Variants in RGS7 observed in about 807,000 individuals in gnomAD.
RGS7 encodes regulator of G protein signaling 7, also known as regulator of G-protein signaling 7.
In RGS7, 27 loss-of-function variants were observed where a neutral mutation model predicts 81.1. That is an observed-to-expected ratio of 0.33 (90% confidence interval 0.25 to 0.46). The LOEUF is 0.46. Among genes scored for constraint, RGS7 ranks in the 20% least tolerant of loss-of-function variants. The pLI is 1.00. For synonymous variants in RGS7, 208 were observed against 207.7 expected, an observed-to-expected ratio of 1.00 and a Z score of -0.01; for missense variants, 396 against 607.4, an observed-to-expected ratio of 0.65 and a Z score of 3.66.
At position 240,840,377 on chromosome 1, in the gene RGS7, G is replaced by A. The variant is rs775823948; in HGVS notation, c.610-13205C>T. ...CAACTTCCGCCTCCTGGGTTCAAGC[G>A]ATTCTCCTGCCTCAGCCTCCCGAGT... On this transcript the variant is annotated intron_variant, in intron 9 of 18. Coordinates refer to ENST00000440928, the MANE Select transcript of RGS7 (RefSeq NM_001364886.1). Among the ~76,000 whole-genome samples, 5 of 151,888 alleles carry A rather than the reference G, an allele frequency of 3.3e-5. No individual in the cohort carries two copies. The East Asian group carries it at 5.8e-4, about 18-fold the overall frequency.
At position 240,812,040 on chromosome 1, in the gene RGS7, T is replaced by G; in HGVS notation, c.960A>C (p.Lys320Asn). ...DTTFWELEAS[K>N]EPSQQRVKRW... ...GTTTTACCCTCTGCTGGCTCGGTTC[T>G]TTGCTATAGAAGATAAAACAAAGGC... Residue 320 changes from lysine (K) to asparagine (N), a missense_variant, in exon 14 of 19, where the codon AAA becomes AAC. By Grantham distance (94) the Lys-to-Asn change is moderately conservative. Coordinates refer to ENST00000440928, the MANE Select transcript of RGS7 (RefSeq NM_001364886.1). The G allele has an allele frequency of 6.2e-7, 1 of 1,614,172 alleles. No homozygotes were observed. Among genetic ancestry groups the G allele is most frequent in the Non-Finnish European group, 8.5e-7 (1 of 1,180,022 alleles).
intron 2 of RGS7, among the ~76,000 whole-genome samples, chr1:241,190,512 TTTCAGCACAC>T (rs2072558862): frequency 6.6e-6 from 1 of 152,194 alleles, no homozygotes. Context: ...GTACTGTAGT[TTTCAGCACAC>T]AAGCTCTGTA....
chr1:241,277,217 G>A (rs147861142), intron 2 of RGS7, among the ~76,000 whole-genome samples: 7 of 152,132 alleles, frequency 4.6e-5, no homozygotes, highest in East Asian at 3.9e-4. Context: ...CATCTTTTTC[G>A]TCTTGTTATG....
chr1:241,237,262 T>A (rs1337302184), intron 2 of RGS7, among the ~76,000 whole-genome samples: 1 of 152,190 alleles, frequency 6.6e-6, no homozygotes, highest in Non-Finnish European at 1.5e-5. Context: ...CAAAACTAAT[T>A]TGTTTTCAGG....
At chr1:241,069,282 G>A (rs536874463) in intron 3 of RGS7, among the ~76,000 whole-genome samples, 8 of 152,248 alleles carry the variant, frequency 5.3e-5, no homozygotes, top group Admixed American at 1.3e-4. Context: ...TAAGAAATTA[G>A]CAATTGATTC....
intron 4 of RGS7, among the ~76,000 whole-genome samples, chr1:240,970,089 GA>G (rs1043668692): frequency 3.3e-5 from 5 of 152,124 alleles, no homozygotes; most frequent in Admixed American, 2.0e-4. Context: ...CTACTTACAA[GA>G]ACTAAATGAA....
At chr1:240,895,610 C>T (rs7417341) in intron 6 of RGS7, among the ~76,000 whole-genome samples, 15,951 of 152,222 alleles carry the variant, frequency 0.1, 1,111 homozygotes, top group Middle Eastern at 0.17. Context: ...CTACAAAGGA[C>T]ATGAACTCAT....
chr1:241,334,110 G>A lies in RGS7; in HGVS notation c.78+21589C>T, dbSNP rs972617085. 7.9e-5 allele frequency among the ~76,000 whole-genome samples: 12 copies of A among 151,570 alleles called. 1 individual carries two copies. The highest frequency in any genetic ancestry group is 1.5e-4 in the Non-Finnish European group (10 of 67,964). ...ACTCTTGAAAGTATTTTAGTACTCC[G>A]TCGCTTCCCCAAAAAGGTAAACTAG... On this transcript the variant is annotated intron_variant, in intron 2 of 18. Transcript: ENST00000440928.
intron 5 of RGS7, among the ~76,000 whole-genome samples, chr1:240,932,803 C>T (rs1227744162): frequency 6.0e-5 from 9 of 149,186 alleles, no homozygotes; most frequent in East Asian, 4.0e-4. Context: ...CCACTGTGCC[C>T]GGCCTAAAAA....
chr1:240,788,121 A>G (rs1483798203), intron 18 of RGS7, among the ~76,000 whole-genome samples: 1 of 152,234 alleles, frequency 6.6e-6, no homozygotes, highest in Non-Finnish European at 1.5e-5. Context: ...TGTCACTCAG[A>G]TTTAATTTGC....
intron 2 of RGS7, among the ~76,000 whole-genome samples, chr1:241,267,728 G>A: frequency 6.6e-6 from 1 of 151,894 alleles, no homozygotes; most frequent in East Asian, 1.9e-4. Context: ...ATTCTTCTAT[G>A]TATTTTTTTA....
At chr1:240,861,361 G>C (rs777626673) in intron 9 of RGS7, among the ~76,000 whole-genome samples, 1 of 152,026 alleles carries the variant, frequency 6.6e-6, no homozygotes, top group Non-Finnish European at 1.5e-5. Context: ...TAAACTAATA[G>C]ACTGGGGAAG....
At position 240,816,491 on chromosome 1, in the gene RGS7, A is replaced by T. The variant is rs1445822266; in HGVS notation, c.685-76T>A. 9 of 1,002,928 alleles carry T rather than the reference A, an allele frequency of 9.0e-6. No homozygotes were observed. In the Admixed American group the frequency reaches 1.2e-4, roughly 14 times the overall value. 62.1% of individuals were successfully genotyped at this position (1,002,928 alleles called of 1,614,324 possible). On this transcript the variant is annotated intron_variant, in intron 10 of 18. Transcript: ENST00000440928. ...CACAGACTTTCTAAAAAGTAACTCT[A>T]GCATAAATTCAGTAAGGTCTCTCAA...
intron 3 of RGS7, among the ~76,000 whole-genome samples, chr1:241,024,551 T>G (rs555443503): frequency 2.9e-4 from 44 of 152,290 alleles, no homozygotes; most frequent in Non-Finnish European, 5.3e-4. Flanking sequence ...TATATTATTA[T>G]TAAGGGCAAG....
At chr1:241,071,902 A>G (rs1458068377) in intron 3 of RGS7, among the ~76,000 whole-genome samples, 2 of 150,852 alleles carry the variant, frequency 1.3e-5, no homozygotes, top group African/African-American at 4.9e-5. Flanking sequence ...AAAACAAGAA[A>G]GAAAGAAGAG....
intron 3 of RGS7, among the ~76,000 whole-genome samples, chr1:241,076,091 G>A (rs1331302789): frequency 6.6e-6 from 1 of 152,120 alleles, no homozygotes; most frequent in African/African-American, 2.4e-5. Context: ...TGAACATAGG[G>A]CAGCCCTCCT....
chr1:241,073,721 T>C (rs1379091888), intron 3 of RGS7, among the ~76,000 whole-genome samples: 3 of 152,176 alleles, frequency 2.0e-5, no homozygotes, highest in African/African-American at 2.4e-5. Flanking sequence ...GAAACCTGAT[T>C]ACAGTCATAC....
intron 9 of RGS7, among the ~76,000 whole-genome samples, chr1:240,866,797 T>C (rs1004925576): frequency 1.3e-5 from 2 of 152,124 alleles, no homozygotes; most frequent in African/African-American, 4.8e-5. Flanking sequence ...TGAGGTGGGA[T>C]CATGTGTCAT....
chr1:241,058,317 T>C (rs1000436223), intron 3 of RGS7, among the ~76,000 whole-genome samples: 1 of 152,164 alleles, frequency 6.6e-6, no homozygotes, highest in African/African-American at 2.4e-5. Flanking sequence ...TAGCAGGCCA[T>C]TGTGTATGTG....
Sources: gnomAD v4.1 joint callset for allele counts (sites outside exome capture counted in the v4.1 genomes callset) on GRCh38, gnomAD v4.1.1 for gene constraint, MANE v1.5 for transcripts, NCBI Gene and HGNC (gene_info 2026-07-23, HGNC 2026-07-21) for gene names.